IDH2: variants seen among roughly 807,000 people sequenced by gnomAD.
IDH2 encodes isocitrate dehydrogenase (NADP(+)) 2, also known as isocitrate dehydrogenase [NADP], mitochondrial.
IDH2 carries 18 observed loss-of-function variants against 50.5 expected under a neutral mutation model. The ratio of observed to expected loss-of-function variants is 0.36; its 90% confidence interval spans 0.25 to 0.53. IDH2 has a LOEUF of 0.53. Ranked by LOEUF, IDH2 falls within the 20% of genes least tolerant of loss-of-function variation. IDH2 has a pLI of 0.92. For synonymous variants in IDH2, 280 were observed against 239.8 expected (o/e 1.17, Z -1.55); for missense variants, 518 against 610.7 (o/e 0.85, Z 1.60).
At position 90,085,916 on chromosome 15, in the gene IDH2, C is replaced by A. The variant is rs1386033541; in HGVS notation, c.968-529G>T. Among the ~76,000 whole-genome samples, 1 of 152,214 alleles carries A rather than the reference C, an allele frequency of 6.6e-6. No homozygotes were observed. Among genetic ancestry groups the A allele is most frequent in the Non-Finnish European group, 1.5e-5 (1 of 68,040 alleles). ...CAAGGACTCCAGGGCTTCAAAGGCA[C>A]CCCCATGACACCAAAATAAGGATTG... On this transcript the variant is annotated intron_variant, in intron 7 of 10. Coordinates refer to ENST00000330062, the MANE Select transcript of IDH2 (RefSeq NM_002168.4). The surrounding 1 kb of genome is among the most constrained non-coding windows in gnomAD (Gnocchi z 5.5).
In IDH2 at chr15:90,085,336, T is replaced by C. The variant is rs897159348; in HGVS notation, c.1019A>G (p.Lys340Arg). The part of the protein sequence containing the change: ...MTSVLVCPDG[K>R]TIEAEAAHGT... ...ATGAGCGGCCTCAGCCTCAATCGTC[T>C]TCCCATCAGGGCAGACCAGGACGGA... is the stretch of plus-strand genomic sequence containing the variant. The change falls in exon 8 of 11, where the codon AAG becomes AGG. Residue 340 changes from lysine (K) to arginine (R), a missense_variant. Lys to Arg is a conservative substitution (Grantham distance 26). Around this residue, in one of 5 missense-constraint regions of IDH2, gnomAD observed 135 missense variants for 167.6 expected, o/e 0.81. Transcript: ENST00000330062. This position sits in a 1 kb window ranked among gnomAD's most constrained non-coding sequence, Gnocchi z 5.5. The C allele has an allele frequency of 1.9e-6, 3 of 1,554,608 alleles. No individual in the cohort carries two copies. In the African/African-American group the frequency reaches 4.1e-5, roughly 21 times the overall value.
intron 3 of IDH2, 53 bp from the exon 4 acceptor site, chr15:90,088,800 G>C (rs2151550076): frequency 6.2e-7 from 1 of 1,601,126 alleles, no homozygotes; most frequent in Non-Finnish European, 8.5e-7. Flanking sequence ...CTTTCAACCA[G>C]AATTTGAACC....
Position 90,085,204 on chromosome 15 carries a change from A to T in IDH2, c.1080+71T>A. Reference sequence around the variant, plus strand: ...GCTGGTGGGTCAGGCTCGTCCTTCCAGCCCTCAGCCCAGTGGGCTTTAGGC... The same window carrying T: ...GCTGGTGGGTCAGGCTCGTCCTTCCTGCCCTCAGCCCAGTGGGCTTTAGGC... On this transcript the variant is annotated intron_variant, in intron 8 of 10. Transcript: ENST00000330062. This position sits in a 1 kb window ranked among gnomAD's most constrained non-coding sequence, Gnocchi z 5.5. 6.5e-7 allele frequency: 1 copy of T among 1,528,588 alleles called. No individual in the cohort carries two copies. The highest frequency in any genetic ancestry group is 9.0e-7 in the Non-Finnish European group (1 of 1,112,192). 94.7% of individuals were successfully genotyped at this position (1,528,588 alleles called of 1,614,324 possible). A position where few individuals can be genotyped will look rare whatever the true frequency, so the allele number is the denominator to read the frequency against.
chr15:90,089,147 C>G (rs1167052125), intron 3 of IDH2, among the ~76,000 whole-genome samples: 1 of 151,954 alleles, frequency 6.6e-6, no homozygotes, highest in East Asian at 1.9e-4. Context: ...CTCCCAACCT[C>G]AGGTGATCCA....
Position 90,085,770 on chromosome 15 carries a change from T to A in IDH2, c.968-383A>T, listed in dbSNP as rs115581572. Among the ~76,000 whole-genome samples the A allele has an allele frequency of 4.4e-3, 668 of 152,310 alleles. 4 individuals are homozygous for A. Among genetic ancestry groups the A allele is most frequent in the African/African-American group, 0.015 (630 of 41,558 alleles). The stretch of plus-strand genomic sequence containing the variant: ...ACATTCAAGGAAAACAATAAAGCTG[T>A]GGTCAGCTATTTCCCAACAATCACT... On this transcript the variant is annotated intron_variant, in intron 7 of 10. Transcript: ENST00000330062. This position sits in a 1 kb window ranked among gnomAD's most constrained non-coding sequence, Gnocchi z 5.5.
chr15:90,102,223 C>T, intron 1 of IDH2, 53 bp downstream of exon 1: 1 of 771,558 alleles, frequency 1.3e-6, no homozygotes, highest in South Asian at 6.3e-5. Flanking sequence ...TGGGAAGCCG[C>T]CACGTCGCAG....
At chr15:90,094,797 G>A (rs760714625) in intron 1 of IDH2, among the ~76,000 whole-genome samples, 1 of 152,128 alleles carries the variant, frequency 6.6e-6, no homozygotes, top group African/African-American at 2.4e-5. Flanking sequence ...AGCTACCGAG[G>A]AGGCTGAGGC....
At position 90,085,158 on chromosome 15, in the gene IDH2, G is replaced by C. The variant is rs536380173; in HGVS notation, c.1081-60C>G. Reference sequence around the variant, plus strand: ...AGCCAGCTAGTGAGGAGGCTGCCCAGATACAGCTGCCCGCCCCTGGGCTGG... The same window carrying C: ...AGCCAGCTAGTGAGGAGGCTGCCCACATACAGCTGCCCGCCCCTGGGCTGG... On this transcript the variant is annotated intron_variant, in intron 8 of 10. Coordinates refer to ENST00000330062, the MANE Select transcript of IDH2 (RefSeq NM_002168.4). The surrounding 1 kb of genome is among the most constrained non-coding windows in gnomAD (Gnocchi z 5.5). 423 of 1,568,590 alleles carry C rather than the reference G, an allele frequency of 2.7e-4. No individual in the cohort carries two copies. In the African/African-American group the frequency reaches 4.4e-3, roughly 16 times the overall value.
In IDH2 at chr15:90,098,538, G is replaced by GTATT. The variant is rs1421369928; in HGVS notation, c.115+3737_115+3738insAATA. On this transcript the variant is annotated intron_variant, in intron 1 of 10. Transcript: ENST00000330062. The surrounding 1 kb of genome is among the most constrained non-coding windows in gnomAD (Gnocchi z 5.1). Reference sequence around the variant, plus strand: ...TGTATGTATGTATGCATGCATGTATGTATGTATGTATGTATGTATGTATTG... The same window carrying GTATT: ...TGTATGTATGTATGCATGCATGTATGTATTTATGTATGTATGTATGTATGTATTG... Among the ~76,000 whole-genome samples the GTATT allele has an allele frequency of 3.4e-5, 5 of 147,044 alleles. No individual in the cohort carries two copies. Among genetic ancestry groups the GTATT allele is most frequent in the African/African-American group, 1.0e-4 (4 of 39,240 alleles).
Position 90,084,271 on chromosome 15 carries a change from G to C in IDH2, c.1354C>G (p.Gln452Glu), listed in dbSNP as rs553627406. ...GCCATGGGTGGCGCCTCCCCCTACTGCCTGCCCAGGGCTCTGTCCAGGTTG... is the reference window on the plus strand; with the variant it reads ...GCCATGGGTGGCGCCTCCCCCTACTCCCTGCCCAGGGCTCTGTCCAGGTTG... ...KSNLDRALGR[Q>E] Residue 452 changes from glutamine to glutamate, a missense_variant, in exon 11 of 11, where the codon CAG becomes GAG. This residue lies in a region of IDH2 where 135 missense variants were observed against 167.6 expected (regional missense o/e 0.81). Coordinates refer to ENST00000330062, the MANE Select transcript of IDH2 (RefSeq NM_002168.4). This position sits in a 1 kb window ranked among gnomAD's most constrained non-coding sequence, Gnocchi z 5.0. 8 of 1,613,686 alleles carry C rather than the reference G, an allele frequency of 5.0e-6. No individual in the cohort carries two copies. The East Asian group carries it at 1.6e-4, about 31-fold the overall frequency.
chr15:90,087,674 T>G, intron 5 of IDH2, 99 bp from the exon 6 acceptor site: 137 of 1,404,030 alleles, frequency 9.8e-5, no homozygotes, highest in Middle Eastern at 2.5e-4. Flanking sequence ...CCAGGAACGG[T>G]ACCCCGCCGC....
chr15:90,091,674 C>T (rs1347810166), intron 1 of IDH2, 30 bp from the exon 2 acceptor site: 2 of 1,589,120 alleles, frequency 1.3e-6, no homozygotes, highest in Non-Finnish European at 1.7e-6. Flanking sequence ...GCGCATCATG[C>T]CCCTGGGGAG....
intron 1 of IDH2, among the ~76,000 whole-genome samples, chr15:90,101,983 C>G (rs866895276): frequency 6.6e-6 from 1 of 152,070 alleles, no homozygotes; most frequent in South Asian, 2.1e-4. Context: ...AGGACCCCCT[C>G]CCGAAATACC....
rs577018029 is a variant in IDH2, at chr15:90,084,956, C to T, written c.1178+45G>A. On this transcript the variant is annotated intron_variant, in intron 9 of 10. Transcript: ENST00000330062. The surrounding 1 kb of genome is among the most constrained non-coding windows in gnomAD (Gnocchi z 5.0). Reference sequence around the variant, plus strand: ...GACCCCATCTGTGCAAGGGCAGGACCCAGAGCCTGTCCTGGGCAGCTCCGG... The same window carrying T: ...GACCCCATCTGTGCAAGGGCAGGACTCAGAGCCTGTCCTGGGCAGCTCCGG... 19 of 1,611,698 alleles carry T rather than the reference C, an allele frequency of 1.2e-5. No individual in the cohort carries two copies. The East Asian group carries it at 1.8e-4, about 15-fold the overall frequency.
Position 90,083,773 on chromosome 15 carries a change from C to A in IDH2, c.*493G>T. 1 of 211,806 alleles carries A rather than the reference C, an allele frequency of 4.7e-6. No individual in the cohort carries two copies. Among genetic ancestry groups the A allele is most frequent in the South Asian group, 1.2e-4 (1 of 8,284 alleles). 13.1% of individuals were successfully genotyped at this position (211,806 alleles called of 1,614,324 possible). On this transcript the variant is annotated 3_prime_UTR_variant, in exon 11 of 11. Transcript: ENST00000330062. ...TCATGCTAGAAAATTCCAGGGAACC[C>A]ACAGGCCTGTGCCCTGAGTGTCCGA... is the stretch of plus-strand genomic sequence containing the variant.
intron 3 of IDH2, among the ~76,000 whole-genome samples, chr15:90,089,546 A>G (rs1448090813): frequency 1.3e-5 from 2 of 152,172 alleles, no homozygotes. Context: ...ATGGGGATAC[A>G]CAACTCCCAA....
At chr15:90,088,267 T>C in intron 5 of IDH2, 92 bp downstream of exon 5, 7 of 1,507,860 alleles carry the variant, frequency 4.6e-6, no homozygotes, top group Non-Finnish European at 6.4e-6. Context: ...GGCCTAAGAA[T>C]GAGGCCATTA....
In IDH2 at chr15:90,085,244, G is replaced by A; in HGVS notation, c.1080+31C>T. ...GGGCTTTAGGCCCCTGGGGTAGAGG[G>A]GCATTGTGAGGCCCCATGCCCTGCA... On this transcript the variant is annotated intron_variant, in intron 8 of 10. Transcript: ENST00000330062. This position sits in a 1 kb window ranked among gnomAD's most constrained non-coding sequence, Gnocchi z 5.5. 2.6e-6 allele frequency: 4 copies of A among 1,531,032 alleles called. No homozygotes were observed. The highest frequency in any genetic ancestry group is 1.8e-6 in the Non-Finnish European group (2 of 1,123,822). 94.8% of individuals were successfully genotyped at this position (1,531,032 alleles called of 1,614,324 possible).
intron 1 of IDH2, among the ~76,000 whole-genome samples, chr15:90,095,056 T>C (rs781548020): frequency 1.3e-5 from 2 of 151,596 alleles, no homozygotes; most frequent in East Asian, 1.9e-4. Flanking sequence ...TCCAAAGATA[T>C]GCAAAGAGTT....
Sources: allele counts gnomAD v4.1 joint callset (sites outside exome capture counted in the v4.1 genomes callset), GRCh38; gene constraint gnomAD v4.1.1; regional missense constraint gnomAD v4.1.1; non-coding constraint Gnocchi (gnomAD v3.1); transcripts MANE v1.5; gene names NCBI Gene and HGNC (gene_info 2026-07-23, HGNC 2026-07-21).